Variants in RPS6KC1 observed in about 807,000 individuals in gnomAD.
The protein encoded by RPS6KC1 is ribosomal protein S6 kinase C1, also known as inactive ribosomal protein S6 kinase delta-1.
A neutral mutation model predicts 103.8 loss-of-function variants in RPS6KC1; 54 were observed. The ratio of observed to expected loss-of-function variants is 0.52; its 90% CI spans 0.42 to 0.65. The LOEUF is 0.65. Among genes scored for constraint, RPS6KC1 ranks in the 30% least tolerant of loss-of-function variants. The probability of loss-of-function intolerance (pLI) is 0.00; values close to 1 mark genes in which losing one functional copy is unlikely to be tolerated. For synonymous variants in RPS6KC1, 439 were observed against 438.7 expected (o/e 1.00, Z -0.01); for missense variants, 1,151 against 1,253.8 (o/e 0.92, Z 1.24).
chr1:213,588,835 A>G, the RPS6KC1 span, among the ~76,000 whole-genome samples: 4 of 152,142 alleles, frequency 2.6e-5, no homozygotes, highest in African/African-American at 9.7e-5. Context: ...CAGCATGGCA[A>G]GTGATAATCT....
chr1:213,634,005 G>A, the RPS6KC1 span, among the ~76,000 whole-genome samples: 17 of 150,218 alleles, frequency 1.1e-4, no homozygotes, highest in African/African-American at 4.2e-4. Context: ...ATGGTAAAGG[G>A]ATCAATTCAA....
chr1:213,778,893 C>T, the RPS6KC1 span, among the ~76,000 whole-genome samples: 1 of 152,240 alleles, frequency 6.6e-6, no homozygotes, highest in Admixed American at 6.5e-5. Flanking sequence ...CACCCCACCG[C>T]CCCACTCCGT....
intron 5 of RPS6KC1, 101 bp downstream of exon 5, chr1:213,117,511 G>T: frequency 5.0e-6 from 3 of 605,654 alleles, no homozygotes; most frequent in Non-Finnish European, 2.9e-6. Flanking sequence ...GGAATTTGAG[G>T]GTATTTCACT....
At chr1:213,151,528 C>T (rs1160827761) in intron 6 of RPS6KC1, among the ~76,000 whole-genome samples, 2 of 101,900 alleles carry the variant, frequency 2.0e-5, no homozygotes, top group East Asian at 6.0e-4. Context: ...AGGGGCTCCT[C>T]GCTTCCCAGT....
At chr1:213,257,514 C>A (rs1457860033) in intron 12 of RPS6KC1, among the ~76,000 whole-genome samples, 1 of 152,166 alleles carries the variant, frequency 6.6e-6, no homozygotes, top group African/African-American at 2.4e-5. Context: ...ATACAATATT[C>A]TCTCCCAAAG....
chr1:213,811,962 C>A, the RPS6KC1 span, among the ~76,000 whole-genome samples: 1 of 152,152 alleles, frequency 6.6e-6, no homozygotes, highest in African/African-American at 2.4e-5. Flanking sequence ...TGACTCCAAA[C>A]AACTTTGTAA....
chr1:213,848,091 G>C, the RPS6KC1 span, among the ~76,000 whole-genome samples: 2 of 152,036 alleles, frequency 1.3e-5, no homozygotes, highest in Admixed American at 1.3e-4. Flanking sequence ...ATCCAGATTG[G>C]GTAGACCTCA....
At chr1:213,113,917 A>G (rs1275553727) in intron 4 of RPS6KC1, among the ~76,000 whole-genome samples, 3 of 152,118 alleles carry the variant, frequency 2.0e-5, no homozygotes, top group Admixed American at 1.3e-4. Context: ...CCATTGATCT[A>G]TATCTCTATT....
chr1:213,448,380 C>A, the RPS6KC1 span, among the ~76,000 whole-genome samples: 3 of 152,150 alleles, frequency 2.0e-5, no homozygotes, highest in East Asian at 3.8e-4. Context: ...TGTTGGGAAT[C>A]TGTGTGTTTT....
At chr1:213,420,442 A>G in the RPS6KC1 span, among the ~76,000 whole-genome samples, 22 of 152,340 alleles carry the variant, frequency 1.4e-4, no homozygotes, top group Non-Finnish European at 2.5e-4. Context: ...ACACTGTGAA[A>G]CAGCTGTCAG....
chr1:213,090,164 C>T (rs929818719), intron 3 of RPS6KC1, among the ~76,000 whole-genome samples: 1 of 152,150 alleles, frequency 6.6e-6, no homozygotes, highest in Admixed American at 6.5e-5. Flanking sequence ...AGACTTGTGG[C>T]ACTCTAAATA....
chr1:213,658,973 CT>C, the RPS6KC1 span, among the ~76,000 whole-genome samples: 11 of 150,334 alleles, frequency 7.3e-5, no homozygotes, highest in African/African-American at 2.4e-4. Context: ...TCTTTTTTTT[CT>C]TTTTTTTTGA....
the RPS6KC1 span, among the ~76,000 whole-genome samples, chr1:213,453,105 C>T: frequency 6.6e-6 from 1 of 151,976 alleles, no homozygotes; most frequent in Non-Finnish European, 1.5e-5. Context: ...GGCCATTTCT[C>T]CTTGTTATTC....
intron 8 of RPS6KC1, among the ~76,000 whole-genome samples, chr1:213,203,129 T>C (rs1432479959): frequency 6.6e-6 from 1 of 152,192 alleles, no homozygotes; most frequent in Non-Finnish European, 1.5e-5. Context: ...GTTTCCTTTA[T>C]CTGAGATGCT....
the RPS6KC1 span, among the ~76,000 whole-genome samples, chr1:213,397,588 T>TAAACACAC: frequency 7.1e-6 from 1 of 140,376 alleles, no homozygotes; most frequent in Non-Finnish European, 1.5e-5. Context: ...CAGGAACACA[T>TAAACACAC]ACACACACAC....
At chr1:213,119,921 A>G (rs995539775) in intron 5 of RPS6KC1, among the ~76,000 whole-genome samples, 3 of 152,200 alleles carry the variant, frequency 2.0e-5, no homozygotes, top group African/African-American at 7.2e-5. Context: ...TGAGAATTAT[A>G]GACAGTGCTA....
the RPS6KC1 span, among the ~76,000 whole-genome samples, chr1:213,445,731 G>GC: frequency 2.0e-5 from 3 of 152,220 alleles, no homozygotes; most frequent in Admixed American, 1.3e-4. Flanking sequence ...CGTTATTGTG[G>GC]CCCACACTTT....
chr1:213,728,948 G>GTTTTTTTTTTTTT, the RPS6KC1 span, among the ~76,000 whole-genome samples: 21 of 91,280 alleles, frequency 2.3e-4, no homozygotes, highest in East Asian at 3.3e-4. Context: ...TTTTTTTTTT[G>GTTTTTTTTTTTTT]TTTTTTTTTT....
At chr1:213,338,638 C>A in the RPS6KC1 span, among the ~76,000 whole-genome samples, 1 of 152,182 alleles carries the variant, frequency 6.6e-6, no homozygotes, top group Non-Finnish European at 1.5e-5. Flanking sequence ...AACAATGGCA[C>A]AGACTTCTCT....
Sources: gnomAD v4.1 joint callset for allele counts (sites outside exome capture counted in the v4.1 genomes callset) on GRCh38, gnomAD v4.1.1 for gene constraint, MANE v1.5 for transcripts, NCBI Gene and HGNC (gene_info 2026-07-23, HGNC 2026-07-21) for gene names.